The following FGF14 variants were observed in gnomAD, a reference collection of about 807,000 sequenced individuals.
FGF14 encodes the protein fibroblast growth factor 14.
A neutral mutation model predicts 25.5 loss-of-function variants in FGF14; 5 were observed. That is an observed-to-expected ratio of 0.20 (90% CI 0.10 to 0.41). FGF14 has a LOEUF of 0.41. Ranked by LOEUF, FGF14 falls within the 10% of genes least tolerant of loss-of-function variation. The probability of loss-of-function intolerance (pLI) is 1.00; values close to 1 mark genes in which losing one functional copy is unlikely to be tolerated. For missense variants in FGF14, 222 were observed against 320.1 expected (o/e 0.69, Z 2.34); for synonymous variants, 138 against 118.3 (o/e 1.17, Z -1.08).
chr13:101,981,113 AC>A (rs2038229450), intron 1 of FGF14, among the ~76,000 whole-genome samples: 1 of 151,418 alleles, frequency 6.6e-6, no homozygotes, highest in African/African-American at 2.4e-5. Context: ...ACACACACAC[AC>A]ACACACACAC....
intron 1 of FGF14, among the ~76,000 whole-genome samples, chr13:102,358,853 T>C (rs1238301024): frequency 1.3e-5 from 2 of 152,170 alleles, no homozygotes; most frequent in Admixed American, 6.5e-5. Flanking sequence ...TATAATCTGA[T>C]ACGTGCCAGC....
rs1490328530 is a variant in FGF14, at chr13:102,098,393, T to C, written c.209-223097A>G. Among the ~76,000 whole-genome samples, 3 of 152,348 alleles carry C rather than the reference T, an allele frequency of 2.0e-5. 1 individual carries two copies. Among genetic ancestry groups the C allele is most frequent in the Admixed American group, 2.0e-4 (3 of 15,304 alleles). On this transcript the variant is annotated intron_variant, in intron 1 of 4. Coordinates refer to the FGF14 transcript ENST00000376131. ...ATCTTACAAAGGATCTATCATTTTTTTGTGAGTAAAATATAAGTATCAACT... is the reference window on the plus strand; with the variant it reads ...ATCTTACAAAGGATCTATCATTTTTCTGTGAGTAAAATATAAGTATCAACT...
At chr13:101,763,412 A>G (rs1190535671) in intron 3 of FGF14, among the ~76,000 whole-genome samples, 1 of 152,218 alleles carries the variant, frequency 6.6e-6, no homozygotes, top group Non-Finnish European at 1.5e-5. Flanking sequence ...TTAAGGACCT[A>G]GTTCTTTTTT....
At chr13:101,869,963 C>T (rs1048968212) in intron 2 of FGF14, among the ~76,000 whole-genome samples, 4 of 152,108 alleles carry the variant, frequency 2.6e-5, no homozygotes, top group South Asian at 2.1e-4. Flanking sequence ...TTATTACAAG[C>T]TACTGTTTTC....
At chr13:102,380,156 T>C (rs1426378960) in intron 1 of FGF14, among the ~76,000 whole-genome samples, 1 of 151,954 alleles carries the variant, frequency 6.6e-6, no homozygotes, top group Non-Finnish European at 1.5e-5. Context: ...GAAGTAAACA[T>C]AGAATGTCAT....
Position 102,321,853 on chromosome 13 carries a change from C to A in FGF14, c.208+79618G>T, listed in dbSNP as rs141073401. ...TAATTGGTTCAGATTAATTTAGCAC[C>A]CCCTGCCAATGTCCCATTTTAACTG... On this transcript the variant is annotated intron_variant, in intron 1 of 4. Coordinates refer to the FGF14 transcript ENST00000376131. 3.2e-3 allele frequency among the ~76,000 whole-genome samples: 487 copies of A among 152,130 alleles called. 3 individuals carry two copies. Among genetic ancestry groups the A allele is most frequent in the African/African-American group, 0.011 (466 of 41,512 alleles).
intron 1 of FGF14, among the ~76,000 whole-genome samples, chr13:102,099,015 G>T (rs2044533414): frequency 6.6e-6 from 1 of 152,140 alleles, no homozygotes; most frequent in Non-Finnish European, 1.5e-5. Flanking sequence ...CAGGAAGGAA[G>T]CCTCTAGAAA....
At chr13:101,803,081 G>C (rs936589140) in intron 3 of FGF14, among the ~76,000 whole-genome samples, 1 of 151,314 alleles carries the variant, frequency 6.6e-6, no homozygotes, top group South Asian at 2.1e-4. Context: ...GTCAGCTGGC[G>C]TGAAAATTGT....
chr13:102,074,205 G>C (rs1205783159), intron 1 of FGF14, among the ~76,000 whole-genome samples: 1 of 152,046 alleles, frequency 6.6e-6, no homozygotes, highest in Admixed American at 6.6e-5. Context: ...GTAGAGATGG[G>C]GTCTCACTAT....
intron 1 of FGF14, among the ~76,000 whole-genome samples, chr13:102,216,773 T>TTAG (rs2050391416): frequency 6.6e-6 from 1 of 152,116 alleles, no homozygotes; most frequent in African/African-American, 2.4e-5. Context: ...TAACCATAGC[T>TTAG]TAGTACCCAT....
chr13:101,859,906 G>T (rs1026409770), intron 3 of FGF14, among the ~76,000 whole-genome samples: 1 of 152,074 alleles, frequency 6.6e-6, no homozygotes, highest in Admixed American at 6.6e-5. Flanking sequence ...AAAACAGAAG[G>T]CTAGGGAAAG....
intron 3 of FGF14, among the ~76,000 whole-genome samples, chr13:101,844,816 C>T (rs1479679297): frequency 1.3e-5 from 2 of 151,922 alleles, no homozygotes; most frequent in African/African-American, 2.4e-5. Context: ...TTGGCAAATC[C>T]AAAACATTTA....
intron 3 of FGF14, among the ~76,000 whole-genome samples, chr13:101,783,504 C>T (rs2039635175): frequency 2.0e-5 from 3 of 151,468 alleles, no homozygotes; most frequent in Admixed American, 1.3e-4. Flanking sequence ...TATCCTTTGC[C>T]CACTTTTTAA....
intron 1 of FGF14, among the ~76,000 whole-genome samples, chr13:102,007,931 A>T (rs539944149): frequency 3.2e-4 from 49 of 152,302 alleles, no homozygotes; most frequent in African/African-American, 1.1e-3. Context: ...TGTATAATAC[A>T]AGAAGCTTTA....
intron 3 of FGF14, among the ~76,000 whole-genome samples, chr13:101,811,348 T>C (rs983053585): frequency 1.3e-5 from 2 of 152,178 alleles, no homozygotes; most frequent in African/African-American, 4.8e-5. Flanking sequence ...GAATGTCATA[T>C]AGTGAAATCA....
chr13:102,200,946 C>T (rs958122850), intron 1 of FGF14, among the ~76,000 whole-genome samples: 7 of 151,418 alleles, frequency 4.6e-5, no homozygotes, highest in African/African-American at 1.7e-4. Context: ...ACTAAAAACA[C>T]AAAAAATTAG....
Position 102,400,959 on chromosome 13 carries a change from AGGAGCGG to A in FGF14, c.208+505_208+511del, listed in dbSNP as rs967860031. Among the ~76,000 whole-genome samples the A allele has an allele frequency of 1.3e-5, 2 of 151,948 alleles. No individual in the cohort carries two copies. The highest frequency in any genetic ancestry group is 4.8e-5 in the African/African-American group (2 of 41,374). Reference sequence around the variant, plus strand: ...GGGGGAGGGACGCGGGGGCTGACGGAGGAGCGGGGCCGCGAGGGAGGGGGCCTCTTTT... The same window carrying A: ...GGGGGAGGGACGCGGGGGCTGACGGAGGCCGCGAGGGAGGGGGCCTCTTTT... On this transcript the variant is annotated intron_variant, in intron 1 of 4. Coordinates refer to the FGF14 transcript ENST00000376131. This position sits in a 1 kb window ranked among gnomAD's most constrained non-coding sequence, Gnocchi z 4.3.
intron 1 of FGF14, among the ~76,000 whole-genome samples, chr13:102,153,493 C>T (rs913606720): frequency 6.6e-6 from 1 of 152,140 alleles, no homozygotes; most frequent in South Asian, 2.1e-4. Context: ...TGGGCATCAT[C>T]TCAGTGAAGC....
chr13:101,783,906 T>C (rs2039660639), intron 3 of FGF14, among the ~76,000 whole-genome samples: 1 of 152,206 alleles, frequency 6.6e-6, no homozygotes, highest in African/African-American at 2.4e-5. Context: ...GGCTAGTGAG[T>C]TATCCCAGCA....
Sources: gnomAD v4.1 joint callset for allele counts (sites outside exome capture counted in the v4.1 genomes callset) on GRCh38, gnomAD v4.1.1 for gene constraint, Gnocchi (gnomAD v3.1) non-coding constraint, MANE v1.5 for transcripts, NCBI Gene and HGNC (gene_info 2026-07-23, HGNC 2026-07-21) for gene names.